SAMD5: variants seen among roughly 807,000 people sequenced by gnomAD.
SAMD5 encodes sterile alpha motif domain containing 5, also known as sterile alpha motif domain-containing protein 5.
In SAMD5, 13 loss-of-function variants were observed where a neutral mutation model predicts 11.3. The ratio of observed to expected loss-of-function variants is 1.15; its 90% confidence interval spans 0.75 to 1.83. The LOEUF (loss-of-function observed/expected upper bound fraction) is 1.83. SAMD5 is among the 40% of genes most tolerant of loss of function. SAMD5 has a pLI of 0.00. For missense variants in SAMD5, 255 were observed against 239.1 expected (o/e 1.07, Z -0.44); for synonymous variants, 129 against 111.3 (o/e 1.16, Z -1.00).
the SAMD5 span, among the ~76,000 whole-genome samples, chr6:147,784,200 AT>A: frequency 0.33 from 50,252 of 151,098 alleles, 9,061 homozygotes; most frequent in African/African-American, 0.48. Context: ...AATTAAGGGA[AT>A]TTTTTTTTTA....
chr6:147,703,445 T>C (rs1453648449), intron 1 of SAMD5, among the ~76,000 whole-genome samples: 2 of 152,218 alleles, frequency 1.3e-5, no homozygotes, highest in East Asian at 3.8e-4. Context: ...CCCTATTGTT[T>C]GCAGAGCCCA....
At chr6:147,605,291 T>G (rs1163782464) in intron 1 of SAMD5, among the ~76,000 whole-genome samples, 1 of 152,130 alleles carries the variant, frequency 6.6e-6, no homozygotes, top group Admixed American at 6.6e-5. Flanking sequence ...TTTTACATAT[T>G]TTTGTAGAGA....
At chr6:147,755,649 A>C in the SAMD5 span, among the ~76,000 whole-genome samples, 1 of 152,142 alleles carries the variant, frequency 6.6e-6, no homozygotes, top group Non-Finnish European at 1.5e-5. Context: ...CTTTCCCACT[A>C]CTAATACTAA....
chr6:147,802,846 C>T, the SAMD5 span, among the ~76,000 whole-genome samples: 1 of 152,314 alleles, frequency 6.6e-6, no homozygotes, highest in South Asian at 2.1e-4. Context: ...CAATATGACA[C>T]AGTTTTTATG....
At chr6:147,619,773 G>C (rs575731985) in intron 1 of SAMD5, among the ~76,000 whole-genome samples, 2 of 152,124 alleles carry the variant, frequency 1.3e-5, no homozygotes, top group African/African-American at 4.8e-5. Flanking sequence ...TGTCTGGAGA[G>C]GCCATCACAA....
At chr6:147,731,212 A>G (rs952953799) in intron 1 of SAMD5, among the ~76,000 whole-genome samples, 6 of 152,154 alleles carry the variant, frequency 3.9e-5, no homozygotes. Context: ...ACCAGTGCCC[A>G]AGCTCCACCA....
At chr6:147,789,278 AACACACAC>A in the SAMD5 span, among the ~76,000 whole-genome samples, 1,377 of 141,176 alleles carry the variant, frequency 9.8e-3, 20 homozygotes, top group African/African-American at 0.033. Flanking sequence ...TCTCTAGAAA[AACACACAC>A]ACACACACAC....
chr6:147,780,800 T>C, the SAMD5 span, among the ~76,000 whole-genome samples: 1 of 152,224 alleles, frequency 6.6e-6, no homozygotes, highest in Admixed American at 6.5e-5. Flanking sequence ...TAACAATTTG[T>C]TTTTTGAACT....
chr6:147,735,708 T>C (rs1791790153), intron 1 of SAMD5, among the ~76,000 whole-genome samples: 1 of 152,190 alleles, frequency 6.6e-6, no homozygotes, highest in African/African-American at 2.4e-5. Flanking sequence ...GGAGTTTCAC[T>C]GGGATTTTAA....
At position 147,569,799 on chromosome 6, in the gene SAMD5, C is replaced by T; in HGVS notation, c.*5343C>T. 2.0e-6 allele frequency: 2 copies of T among 985,286 alleles called. No homozygotes were observed. Among genetic ancestry groups the T allele is most frequent in the Non-Finnish European group, 2.4e-6 (2 of 829,810 alleles). 61.0% of individuals were successfully genotyped at this position (985,286 alleles called of 1,614,324 possible). ...ATGTGTATATCTGAGTAGCGAAGCA[C>T]AGATTCACTCTAATTGAAAGCAGCA... On this transcript the variant is annotated 3_prime_UTR_variant, in exon 2 of 2. Coordinates refer to ENST00000367474, the MANE Select transcript of SAMD5 (RefSeq NM_001030060.3).
In SAMD5 at chr6:147,727,549, C is replaced by T. The variant is rs554579451; in HGVS notation, c.163-9768C>T. Among the ~76,000 whole-genome samples, 5 of 152,188 alleles carry T rather than the reference C, an allele frequency of 3.3e-5. No individual in the cohort carries two copies. In the South Asian group the frequency reaches 1.0e-3, roughly 32 times the overall value. On this transcript the variant is annotated intron_variant, in intron 1 of 1. Coordinates refer to the SAMD5 transcript ENST00000566741. ...GGGAGGCACTCAGTAAGTTATTAGC[C>T]AATGAATGTGGAGAGTAAACATGGT...
At chr6:147,602,729 G>A (rs1789641798) in intron 1 of SAMD5, among the ~76,000 whole-genome samples, 1 of 152,020 alleles carries the variant, frequency 6.6e-6, no homozygotes, top group Non-Finnish European at 1.5e-5. Flanking sequence ...GGGAGACAGT[G>A]TGAGACTCTG....
chr6:147,513,195 T>A (rs1788116081), intron 1 of SAMD5, among the ~76,000 whole-genome samples: 1 of 152,150 alleles, frequency 6.6e-6, no homozygotes, highest in Non-Finnish European at 1.5e-5. Flanking sequence ...GAAGTCATGT[T>A]AAAGAATTTG....
downstream of SAMD5, among the ~76,000 whole-genome samples, chr6:147,570,615 T>C (rs1193980549): frequency 6.7e-6 from 1 of 148,306 alleles, no homozygotes; most frequent in Non-Finnish European, 1.5e-5. Context: ...TTGGGTTTTA[T>C]ATAAATGTCA....
At chr6:147,746,827 C>T in the SAMD5 span, among the ~76,000 whole-genome samples, 19 of 152,156 alleles carry the variant, frequency 1.2e-4, no homozygotes, top group African/African-American at 4.6e-4. Context: ...AAGCAGGGGT[C>T]ACTAGGCGGC....
intron 1 of SAMD5, among the ~76,000 whole-genome samples, chr6:147,518,518 G>A (rs1277064148): frequency 6.6e-6 from 1 of 152,162 alleles, no homozygotes; most frequent in Non-Finnish European, 1.5e-5. Flanking sequence ...AATATGTTCT[G>A]AAACCAATTT....
chr6:147,540,735 A>G (rs1330033764), intron 1 of SAMD5, among the ~76,000 whole-genome samples: 1 of 151,756 alleles, frequency 6.6e-6, no homozygotes, highest in Non-Finnish European at 1.5e-5. Flanking sequence ...CCTTGCAGAG[A>G]GACAAGTAGT....
intron 1 of SAMD5, among the ~76,000 whole-genome samples, chr6:147,601,120 G>A (rs1450011987): frequency 2.0e-5 from 3 of 152,172 alleles, no homozygotes; most frequent in African/African-American, 7.2e-5. Context: ...GCTGACCCCA[G>A]ACAGATGCGA....
Position 147,565,307 on chromosome 6 carries a change from G to GC in SAMD5, c.*851_*852insC, listed in dbSNP as rs757656578. ...TCTCCAGGCTTCTGACTTCAGGCCT[G>GC]TGGGGGCCGGGAGGTGGGCAGCGGC... On this transcript the variant is annotated 3_prime_UTR_variant, in exon 2 of 2. Transcript: ENST00000367474. 45 of 985,840 alleles carry GC rather than the reference G, an allele frequency of 4.6e-5. No individual in the cohort carries two copies. The highest frequency in any genetic ancestry group is 5.2e-4 in the Middle Eastern group (1 of 1,936). The allele number at this position is 985,840 out of a possible 1,614,324, so 61.1% of individuals were successfully genotyped here. A position where few individuals can be genotyped will look rare whatever the true frequency, so the allele number is the denominator to read the frequency against.
Sources: gnomAD v4.1 joint callset for allele counts (sites outside exome capture counted in the v4.1 genomes callset) on GRCh38, gnomAD v4.1.1 for gene constraint, MANE v1.5 for transcripts, NCBI Gene and HGNC (gene_info 2026-07-23, HGNC 2026-07-21) for gene names.